Variants in GPA33 observed in about 807,000 individuals in gnomAD.
GPA33 encodes glycoprotein A33.
In GPA33, 27 loss-of-function variants were observed where a neutral mutation model predicts 35.6. That is an observed-to-expected ratio of 0.76 (90% CI 0.56 to 1.04). GPA33 has a LOEUF of 1.04. Among genes scored for constraint, GPA33 ranks in the 50% least tolerant of loss-of-function variants. The pLI is 0.00. For synonymous variants in GPA33, 176 were observed against 164.0 expected (o/e 1.07, Z -0.56); for missense variants, 428 against 411.9 (o/e 1.04, Z -0.34).
intron 1 of GPA33, chr1:167,082,323 A>G (rs1186547092): frequency 2.2e-6 from 1 of 456,028 alleles, no homozygotes; most frequent in Admixed American, 2.4e-5. Context: ...TGCAACAAAC[A>G]TACAGCCCTC....
chr1:167,085,572 A>C (rs544626027), intron 1 of GPA33, among the ~76,000 whole-genome samples: 83 of 152,302 alleles, frequency 5.4e-4, no homozygotes, highest in African/African-American at 1.9e-3. Flanking sequence ...TGGTCCCTGG[A>C]CCAGGAGTAT....
At chr1:167,066,388 C>G (rs1440895362) in intron 3 of GPA33, among the ~76,000 whole-genome samples, 2 of 152,194 alleles carry the variant, frequency 1.3e-5, no homozygotes, top group Non-Finnish European at 2.9e-5. Context: ...CCTTAATTCT[C>G]TCCAGAGGCA....
chr1:167,082,398 G>A (rs1381861685), intron 1 of GPA33: 1 of 437,462 alleles, frequency 2.3e-6, no homozygotes, highest in Non-Finnish European at 4.6e-6. Context: ...TATTTTGTCA[G>A]GAGCTCACCT....
chr1:167,055,442 C>T (rs1275547814), intron 5 of GPA33, among the ~76,000 whole-genome samples: 3 of 152,150 alleles, frequency 2.0e-5, no homozygotes, highest in African/African-American at 7.2e-5. Flanking sequence ...CTGGGCACTT[C>T]CTCCACGCCC....
chr1:167,085,295 C>A (rs939059842), intron 1 of GPA33, among the ~76,000 whole-genome samples: 1 of 152,088 alleles, frequency 6.6e-6, no homozygotes, highest in Non-Finnish European at 1.5e-5. Context: ...AGGAGGAGAA[C>A]AAGGAGAGGA....
chr1:167,055,795 T>C lies in GPA33; in HGVS notation c.626A>G (p.Tyr209Cys). 1 of 1,613,608 alleles carries C rather than the reference T, an allele frequency of 6.2e-7. No individual in the cohort carries two copies. Among genetic ancestry groups the C allele is most frequent in the Non-Finnish European group, 8.5e-7 (1 of 1,179,718 alleles). ...CTCCTCATTGCTGGAGGTACAGATG[T>C]AGTAACCCGATGTGTCTGTGGAGAT... Reference protein sequence around the residue: ...KNISTDTSGYYICTSSNEEGT... With the variant: ...KNISTDTSGYCICTSSNEEGT... The change falls in exon 5 of 7, where the codon TAC becomes TGC. Residue 209 changes from tyrosine (Y) to cysteine (C), a missense_variant. By Grantham distance (194) the Tyr-to-Cys change is radical. Coordinates refer to ENST00000367868, the MANE Select transcript of GPA33 (RefSeq NM_005814.3).
intron 1 of GPA33, among the ~76,000 whole-genome samples, chr1:167,082,060 G>C (rs539633118): frequency 2.8e-4 from 42 of 152,162 alleles, no homozygotes; most frequent in Non-Finnish European, 4.9e-4. Context: ...TAATGGGAAG[G>C]CTTATTGAGG....
intron 1 of GPA33, among the ~76,000 whole-genome samples, chr1:167,075,863 G>C (rs780364579): frequency 1.3e-5 from 2 of 152,188 alleles, no homozygotes; most frequent in Non-Finnish European, 2.9e-5. Context: ...AGAGAACCAA[G>C]AGCAGGAAAA....
chr1:167,057,214 G>A (rs968258669), intron 4 of GPA33, among the ~76,000 whole-genome samples: 1 of 152,076 alleles, frequency 6.6e-6, no homozygotes, highest in African/African-American at 2.4e-5. Context: ...CTGAATCGAA[G>A]AGAACGGACC....
chr1:167,085,851 C>T (rs1667036930), intron 1 of GPA33, among the ~76,000 whole-genome samples: 1 of 152,214 alleles, frequency 6.6e-6, no homozygotes, highest in African/African-American at 2.4e-5. Context: ...CGTCTCTACA[C>T]CTAGACTGCA....
chr1:167,056,759 G>A (rs142639845), intron 4 of GPA33, among the ~76,000 whole-genome samples: 2 of 26,640 alleles, frequency 7.5e-5, no homozygotes, highest in Non-Finnish European at 1.4e-4. Flanking sequence ...TGTGTATGGC[G>A]TGTGTGTGGT....
At position 167,054,054 on chromosome 1, in the gene GPA33, A is replaced by C; in HGVS notation, c.*280T>G. 1 of 438,770 alleles carries C rather than the reference A, an allele frequency of 2.3e-6. No individual in the cohort carries two copies. 27.2% of individuals were successfully genotyped at this position (438,770 alleles called of 1,614,324 possible). ...CAGGAGCTCCTGCCAACTACGAGGG[A>C]AGTGGAGGCTGCAGCCTGGTCTTGA... On this transcript the variant is annotated 3_prime_UTR_variant, in exon 7 of 7. Coordinates refer to ENST00000367868, the MANE Select transcript of GPA33 (RefSeq NM_005814.3).
intron 1 of GPA33, among the ~76,000 whole-genome samples, chr1:167,082,082 G>T (rs941337864): frequency 6.6e-6 from 1 of 152,212 alleles, no homozygotes; most frequent in Admixed American, 6.5e-5. Context: ...GGTAGAACCC[G>T]AGGGATTCAA....
chr1:167,067,037 T>C (rs904436084), intron 3 of GPA33, among the ~76,000 whole-genome samples: 1 of 152,242 alleles, frequency 6.6e-6, no homozygotes, highest in Admixed American at 6.5e-5. Flanking sequence ...TGAATGTTTA[T>C]ATATGTTTTT....
intron 1 of GPA33, among the ~76,000 whole-genome samples, chr1:167,087,520 T>G (rs1667076803): frequency 6.6e-6 from 1 of 152,108 alleles, no homozygotes; most frequent in African/African-American, 2.4e-5. Flanking sequence ...CCCCCTTTGG[T>G]CCCCTGGGAT....
At chr1:167,057,494 C>G (rs1666332122) in intron 4 of GPA33, among the ~76,000 whole-genome samples, 1 of 152,172 alleles carries the variant, frequency 6.6e-6, no homozygotes, top group Non-Finnish European at 1.5e-5. Context: ...CTGCTCTGTT[C>G]AGACATTTCA....
intron 1 of GPA33, 71 bp from the exon 2 acceptor site, chr1:167,073,610 G>GTGGTCCTGTGGGCA: frequency 2.3e-6 from 3 of 1,298,004 alleles, no homozygotes; most frequent in Non-Finnish European, 3.2e-6. Context: ...ACTGCCCACA[G>GTGGTCCTGTGGGCA]GACCACTGAG....
intron 1 of GPA33, among the ~76,000 whole-genome samples, chr1:167,089,648 G>A (rs951478428): frequency 1.3e-5 from 2 of 152,094 alleles, no homozygotes; most frequent in Non-Finnish European, 2.9e-5. Context: ...TTTGTTCTGG[G>A]AGGTTTCCCT....
In GPA33 at chr1:167,053,976, C is replaced by G. The variant is rs950487574; in HGVS notation, c.*358G>C. 5 of 255,200 alleles carry G rather than the reference C, an allele frequency of 2.0e-5. No homozygotes were observed. The highest frequency in any genetic ancestry group is 3.7e-5 in the Non-Finnish European group (5 of 133,432). 15.8% of individuals were successfully genotyped at this position (255,200 alleles called of 1,614,324 possible). On this transcript the variant is annotated 3_prime_UTR_variant, in exon 7 of 7. Transcript: ENST00000367868. ...AGCCCCCACCCCCCAAGGCTGGCAT[C>G]GCCTCCCTGGAGAGTTCTGAGTGGG... is the stretch of plus-strand genomic sequence containing the variant.
Sources: gnomAD v4.1 joint callset for allele counts (sites outside exome capture counted in the v4.1 genomes callset) on GRCh38, gnomAD v4.1.1 for gene constraint, MANE v1.5 for transcripts, NCBI Gene and HGNC (gene_info 2026-07-23, HGNC 2026-07-21) for gene names.